SCN2A: variants seen among roughly 807,000 people sequenced by gnomAD.
SCN2A encodes sodium voltage-gated channel alpha subunit 2.
In SCN2A, 20 loss-of-function variants were observed where a neutral mutation model predicts 188.7. That is an observed-to-expected ratio of 0.11 (90% CI 0.07 to 0.15). The LOEUF (loss-of-function observed/expected upper bound fraction) is 0.15, where lower values mean the gene tolerates loss of function less well. Ranked by LOEUF, SCN2A falls within the 10% of genes least tolerant of loss-of-function variation. SCN2A has a pLI of 1.00. For missense variants in SCN2A, 1,278 were observed against 2,445.0 expected, an observed-to-expected ratio of 0.52 and a Z score of 10.07; for synonymous variants, 804 against 833.1, an observed-to-expected ratio of 0.97 and a Z score of 0.60.
chr2:165,293,011 T>C (rs960526246), intron 1 of SCN2A, among the ~76,000 whole-genome samples: 6 of 152,250 alleles, frequency 3.9e-5, no homozygotes, highest in Non-Finnish European at 8.8e-5. Context: ...TTTTAGTGAC[T>C]TAAATCAGAG....
At chr2:165,367,506 C>A in intron 19 of SCN2A, 135 bp downstream of exon 19, 1 of 1,045,882 alleles carries the variant, frequency 9.6e-7, no homozygotes, top group Non-Finnish European at 1.4e-6. Context: ...GTGTTTAGCA[C>A]ATATGAGAGG....
At chr2:165,353,124 A>G (rs1044838871) in intron 16 of SCN2A, among the ~76,000 whole-genome samples, 2 of 150,850 alleles carry the variant, frequency 1.3e-5, no homozygotes, top group African/African-American at 4.9e-5. Flanking sequence ...GGTGGAGCCT[A>G]TTTTTAAAGA....
chr2:165,359,365 T>C (rs746313311), intron 17 of SCN2A, among the ~76,000 whole-genome samples: 2 of 152,104 alleles, frequency 1.3e-5, no homozygotes, highest in African/African-American at 2.4e-5. Context: ...GGTAGTTTCC[T>C]TATTCTCTGA....
chr2:165,262,186 ATG>A (rs1245685352), intron 1 of SCN2A, among the ~76,000 whole-genome samples: 2 of 61,300 alleles, frequency 3.3e-5, no homozygotes, highest in African/African-American at 1.7e-4. Context: ...ACAGGTAAAC[ATG>A]TGTGATGAGG....
chr2:165,323,785 CATA>C (rs1202003075), intron 12 of SCN2A, among the ~76,000 whole-genome samples: 1 of 152,126 alleles, frequency 6.6e-6, no homozygotes, highest in East Asian at 1.9e-4. Context: ...ATTTATCAAG[CATA>C]ATGTTTGATT....
At chr2:165,305,862 G>T (rs190213178) in intron 3 of SCN2A, among the ~76,000 whole-genome samples, 10 of 152,322 alleles carry the variant, frequency 6.6e-5, no homozygotes, top group African/African-American at 1.9e-4. Flanking sequence ...AAGGAGGGTT[G>T]TGAGTCATAG....
rs1315764860 is a variant in SCN2A, at chr2:165,313,970, T to C, written c.1245T>C (p.Tyr415=). 1 of 1,613,920 alleles carries C rather than the reference T, an allele frequency of 6.2e-7. No homozygotes were observed. The highest frequency in any genetic ancestry group is 1.7e-5 in the Admixed American group (1 of 60,004). ...FVLVIFLGSF[Y]LINLILAVVA... ...TGGTCATTTTCTTGGGCTCATTCTA[T>C]CTAATAAATTTGATCTTGGCTGTGG... is the stretch of plus-strand genomic sequence containing the variant. The change falls in exon 10 of 27, where the codon TAT becomes TAC. Residue 415 remains tyrosine, a synonymous_variant. Coordinates refer to ENST00000375437, the MANE Select transcript of SCN2A (RefSeq NM_001040142.2).
chr2:165,370,314 C>G lies in SCN2A; in HGVS notation c.3849+15C>G, dbSNP rs912003668. On this transcript the variant is annotated intron_variant, in intron 20 of 26. Transcript: ENST00000375437. ...TGATTGTTGATGTGAGTATGCTGCA[C>G]TTTGCTGCTTTATTCATTGGCATAT... The G allele has an allele frequency of 6.2e-7, 1 of 1,613,734 alleles. No individual in the cohort carries two copies. Among genetic ancestry groups the G allele is most frequent in the East Asian group, 2.2e-5 (1 of 44,848 alleles).
intron 1 of SCN2A, chr2:165,274,323 G>A (rs921652006): frequency 1.3e-5 from 2 of 149,512 alleles, no homozygotes; most frequent in Non-Finnish European, 3.0e-5. Flanking sequence ...GATTTAACCA[G>A]GAGAGGGATT....
At chr2:165,332,711 G>A (rs1020214213) in intron 14 of SCN2A, among the ~76,000 whole-genome samples, 2 of 151,966 alleles carry the variant, frequency 1.3e-5, no homozygotes, top group Non-Finnish European at 2.9e-5. Flanking sequence ...AAAGCAGGGT[G>A]GTGGGGTGGC....
intron 1 of SCN2A, among the ~76,000 whole-genome samples, chr2:165,286,571 G>C (rs900064503): frequency 5.3e-5 from 8 of 152,164 alleles, no homozygotes; most frequent in African/African-American, 1.9e-4. Context: ...TTTGGAACCT[G>C]GTGTCATCAC....
intron 25 of SCN2A, among the ~76,000 whole-genome samples, chr2:165,381,688 C>A (rs962321378): frequency 1.3e-5 from 2 of 151,868 alleles, no homozygotes; most frequent in African/African-American, 4.8e-5. Context: ...AAAAGACAAA[C>A]CTCATATTTT....
chr2:165,327,050 A>G, intron 13 of SCN2A, 66 bp downstream of exon 13: 1 of 1,574,812 alleles, frequency 6.3e-7, no homozygotes, highest in Non-Finnish European at 8.7e-7. Context: ...CACTTCATAA[A>G]TTTCAATAAA....
chr2:165,327,029 T>C (rs765044532), intron 13 of SCN2A, 45 bp downstream of exon 13: 45 of 1,610,822 alleles, frequency 2.8e-5, no homozygotes, highest in Non-Finnish European at 2.5e-6. Context: ...GCTTTGGTAA[T>C]GATGAAAAAA....
Position 165,313,565 on chromosome 2 carries a change from C to G in SCN2A, c.1035-55C>G, listed in dbSNP as rs77301739. The G allele has an allele frequency of 1.2e-4, 191 of 1,605,656 alleles. 1 individual carries two copies. In the Admixed American group the frequency reaches 3.2e-3, roughly 27 times the overall value. ...TTGGCATATATTAAAACAGGAAAAC[C>G]AATTAGCAGACTTGCCGTTATTGAC... On this transcript the variant is annotated intron_variant, in intron 8 of 26. Coordinates refer to ENST00000375437, the MANE Select transcript of SCN2A (RefSeq NM_001040142.2).
At chr2:165,334,876 C>T (rs770323842) in intron 14 of SCN2A, among the ~76,000 whole-genome samples, 2 of 151,524 alleles carry the variant, frequency 1.3e-5, no homozygotes, top group Non-Finnish European at 3.0e-5. Context: ...AAAATACACA[C>T]ACACACACAC....
At chr2:165,261,856 T>A (rs75348567) in intron 1 of SCN2A, among the ~76,000 whole-genome samples, 164 of 152,316 alleles carry the variant, frequency 1.1e-3, no homozygotes, top group African/African-American at 3.7e-3. Context: ...TTACTGTGGC[T>A]CTGGGTATTG....
chr2:165,260,269 A>G (rs922944895), intron 1 of SCN2A, among the ~76,000 whole-genome samples: 2 of 152,112 alleles, frequency 1.3e-5, no homozygotes, highest in African/African-American at 2.4e-5. Context: ...TAAGACTTGC[A>G]GATCAAAATG....
intron 17 of SCN2A, among the ~76,000 whole-genome samples, chr2:165,358,342 A>T (rs1386930580): frequency 3.9e-5 from 6 of 152,198 alleles, no homozygotes; most frequent in Admixed American, 1.3e-4. Flanking sequence ...CCTTATTCAT[A>T]TGCAAACTTC....
Sources: allele counts gnomAD v4.1 joint callset (sites outside exome capture counted in the v4.1 genomes callset), GRCh38; gene constraint gnomAD v4.1.1; transcripts MANE v1.5; gene names NCBI Gene and HGNC (gene_info 2026-07-23, HGNC 2026-07-21).